Variants in CACNA2D3 observed in about 807,000 individuals in gnomAD.
The protein encoded by CACNA2D3 is calcium voltage-gated channel auxiliary subunit alpha2delta 3.
In CACNA2D3, 60 loss-of-function variants were observed where a neutral mutation model predicts 160.6. That is an observed-to-expected ratio of 0.37 (90% CI 0.30 to 0.46). The LOEUF (loss-of-function observed/expected upper bound fraction) is 0.46, where lower values mean the gene tolerates loss of function less well. Ranked by LOEUF, CACNA2D3 falls within the 20% of genes least tolerant of loss-of-function variation. The probability of loss-of-function intolerance (pLI) is 1.00; values close to 1 mark genes in which losing one functional copy is unlikely to be tolerated. For synonymous variants in CACNA2D3, 558 were observed against 492.9 expected, an observed-to-expected ratio of 1.13 and a Z score of -1.75; for missense variants, 1,205 against 1,365.0, an observed-to-expected ratio of 0.88 and a Z score of 1.85.
chr3:54,331,610 T>C (rs1011879360), intron 3 of CACNA2D3, among the ~76,000 whole-genome samples: 3 of 152,254 alleles, frequency 2.0e-5, no homozygotes, highest in African/African-American at 7.2e-5. Context: ...ATTTAAGTGA[T>C]ACTTGTGAAG....
chr3:54,286,923 A>G (rs1290156229), intron 2 of CACNA2D3, among the ~76,000 whole-genome samples: 5 of 152,192 alleles, frequency 3.3e-5, no homozygotes, highest in African/African-American at 9.7e-5. Flanking sequence ...AGCTCCTGAA[A>G]GAAGCACTAA....
chr3:54,562,062 C>T (rs567142891), intron 5 of CACNA2D3, among the ~76,000 whole-genome samples: 1 of 152,160 alleles, frequency 6.6e-6, no homozygotes, highest in South Asian at 2.1e-4. Flanking sequence ...TTATCTCCTA[C>T]CAGGTCCCTC....
chr3:55,064,219 C>T (rs1267595846), intron 35 of CACNA2D3, among the ~76,000 whole-genome samples: 3 of 152,252 alleles, frequency 2.0e-5, no homozygotes, highest in African/African-American at 4.8e-5. Flanking sequence ...TGTCCCTACT[C>T]ATGGGGCACA....
intron 31 of CACNA2D3, among the ~76,000 whole-genome samples, chr3:54,990,697 G>A (rs924291346): frequency 4.6e-5 from 7 of 152,186 alleles, no homozygotes; most frequent in African/African-American, 1.4e-4. Context: ...AGGGAAGCAA[G>A]GTGATGCTTG....
At chr3:54,345,253 T>A (rs957404357) in intron 3 of CACNA2D3, among the ~76,000 whole-genome samples, 4 of 152,248 alleles carry the variant, frequency 2.6e-5, no homozygotes, top group African/African-American at 9.6e-5. Flanking sequence ...AAGAACCCTC[T>A]GCTGGGGTCT....
intron 13 of CACNA2D3, among the ~76,000 whole-genome samples, chr3:54,788,832 TA>T (rs1476567822): frequency 6.6e-6 from 1 of 152,250 alleles, no homozygotes; most frequent in Non-Finnish European, 1.5e-5. Flanking sequence ...ATCATTGCAG[TA>T]ATGACTCAGT....
At chr3:54,987,800 A>G (rs759649833) in intron 31 of CACNA2D3, 47 bp downstream of exon 31, 1 of 1,432,500 alleles carries the variant, frequency 7.0e-7, no homozygotes, top group Non-Finnish European at 9.5e-7. Flanking sequence ...GTTTTCCTAA[A>G]TAAAATAAAA....
intron 10 of CACNA2D3, among the ~76,000 whole-genome samples, chr3:54,634,837 A>C (rs993465782): frequency 1.3e-5 from 2 of 152,068 alleles, no homozygotes; most frequent in Non-Finnish European, 2.9e-5. Flanking sequence ...GGGCATATTC[A>C]CTTCTTTTGT....
At chr3:54,440,084 C>T (rs1381523219) in intron 4 of CACNA2D3, among the ~76,000 whole-genome samples, 2 of 152,270 alleles carry the variant, frequency 1.3e-5, no homozygotes, top group South Asian at 4.1e-4. Context: ...TTTCCTTACC[C>T]ACACCTTTAC....
intron 10 of CACNA2D3, among the ~76,000 whole-genome samples, chr3:54,631,551 C>A (rs2106824027): frequency 6.6e-6 from 1 of 152,336 alleles, no homozygotes; most frequent in Non-Finnish European, 1.5e-5. Context: ...TACACGCACA[C>A]ACACACGTGC....
chr3:54,908,850 A>G (rs1700499332), intron 27 of CACNA2D3, among the ~76,000 whole-genome samples: 1 of 152,242 alleles, frequency 6.6e-6, no homozygotes, highest in Admixed American at 6.5e-5. Context: ...AGCTGAGTAG[A>G]TGGAGGGGTA....
At chr3:54,929,913 C>T (rs1701142886) in intron 27 of CACNA2D3, among the ~76,000 whole-genome samples, 1 of 152,196 alleles carries the variant, frequency 6.6e-6, no homozygotes, top group Admixed American at 6.5e-5. Context: ...AACACTCCTT[C>T]TAAGAACTAG....
In CACNA2D3 at chr3:54,687,121, C is replaced by CTTTTTTTTTTTTTTTT. The variant is rs757838355; in HGVS notation, c.1167+44893_1167+44894insTTTTTTTTTTTTTTTT. On this transcript the variant is annotated intron_variant, in intron 11 of 37. Coordinates refer to ENST00000474759, the MANE Select transcript of CACNA2D3 (RefSeq NM_018398.3). ...AAATCGGATTTTTCTTTTTCTTTTTCTTTTTTTTTTTTTGTTTTTTTTTTT... is the reference window on the plus strand; with the variant it reads ...AAATCGGATTTTTCTTTTTCTTTTTCTTTTTTTTTTTTTTTTTTTTTTTTTTTTTGTTTTTTTTTTT... Among the ~76,000 whole-genome samples, 361 of 94,904 alleles carry CTTTTTTTTTTTTTTTT rather than the reference C, an allele frequency of 3.8e-3. 26 individuals carry two copies. The highest frequency in any genetic ancestry group is 6.8e-3 in the Middle Eastern group (1 of 146). The allele number at this position is 94,904 out of a possible 152,430, so 62.3% of individuals were successfully genotyped here.
chr3:54,431,698 C>T (rs1442585147), intron 4 of CACNA2D3, among the ~76,000 whole-genome samples: 1 of 152,174 alleles, frequency 6.6e-6, no homozygotes, highest in African/African-American at 2.4e-5. Context: ...CTGCAACCTC[C>T]ATCTCCTGGG....
intron 27 of CACNA2D3, among the ~76,000 whole-genome samples, chr3:54,920,434 C>T (rs3893005): frequency 0.11 from 17,079 of 152,188 alleles, 969 homozygotes; most frequent in Middle Eastern, 0.15. Flanking sequence ...TTGGGTTCCT[C>T]CTGGCTTCTC....
chr3:54,804,268 A>G (rs1288113197), intron 13 of CACNA2D3, among the ~76,000 whole-genome samples: 2 of 151,984 alleles, frequency 1.3e-5, no homozygotes, highest in Admixed American at 6.6e-5. Flanking sequence ...GGCAAATTGG[A>G]TAAAGAGTCA....
intron 35 of CACNA2D3, among the ~76,000 whole-genome samples, chr3:55,058,358 C>G (rs1019706250): frequency 1.5e-4 from 23 of 152,166 alleles, no homozygotes; most frequent in Admixed American, 1.0e-3. Flanking sequence ...GTATCAAGCT[C>G]CAATTGTAGA....
At chr3:54,390,409 G>C (rs537376352) in intron 4 of CACNA2D3, among the ~76,000 whole-genome samples, 1 of 152,174 alleles carries the variant, frequency 6.6e-6, no homozygotes, top group Non-Finnish European at 1.5e-5. Context: ...TAAGTCTCTA[G>C]TTTTTGTTCT....
chr3:54,609,667 T>A (rs934018401), intron 9 of CACNA2D3, among the ~76,000 whole-genome samples: 14 of 152,088 alleles, frequency 9.2e-5, no homozygotes, highest in African/African-American at 2.9e-4. Flanking sequence ...AAATGACAAA[T>A]GAAAAAAATT....
Sources: allele counts gnomAD v4.1 joint callset (sites outside exome capture counted in the v4.1 genomes callset), GRCh38; gene constraint gnomAD v4.1.1; transcripts MANE v1.5; gene names NCBI Gene and HGNC (gene_info 2026-07-23, HGNC 2026-07-21).